Variants in KIAA2012 observed in about 807,000 individuals in gnomAD.
KIAA2012 encodes uncharacterized protein KIAA2012.
A neutral mutation model predicts 150.6 loss-of-function variants in KIAA2012; 125 were observed. That is an observed-to-expected ratio of 0.83 (90% confidence interval 0.72 to 0.96). KIAA2012 has a LOEUF of 0.96. Among genes scored for constraint, KIAA2012 ranks in the 40% least tolerant of loss-of-function variants. The pLI is 0.00. For missense variants in KIAA2012, 1,219 were observed against 1,354.9 expected, an observed-to-expected ratio of 0.90 and a Z score of 1.57; for synonymous variants, 462 against 504.7, an observed-to-expected ratio of 0.92 and a Z score of 1.13.
At chr2:202,087,583 G>A (rs1179498702) in intron 2 of KIAA2012, among the ~76,000 whole-genome samples, 6 of 146,436 alleles carry the variant, frequency 4.1e-5, no homozygotes, top group African/African-American at 1.5e-4. Context: ...ATTATCTCAA[G>A]TAACACAAAG....
At chr2:202,187,123 G>A (rs922250459) in intron 17 of KIAA2012, 25 bp downstream of exon 17, 2 of 1,547,574 alleles carry the variant, frequency 1.3e-6, no homozygotes, top group Non-Finnish European at 1.7e-6. Flanking sequence ...CTAAAAGCTT[G>A]GTCCAAAAGC....
At chr2:202,152,264 C>T (rs1388391937) in intron 13 of KIAA2012, among the ~76,000 whole-genome samples, 2 of 152,158 alleles carry the variant, frequency 1.3e-5, no homozygotes, top group Non-Finnish European at 2.9e-5. Flanking sequence ...TCACTCAAAA[C>T]ATTCCATCAA....
chr2:202,084,135 G>A (rs929415077), intron 2 of KIAA2012, among the ~76,000 whole-genome samples: 1 of 152,126 alleles, frequency 6.6e-6, no homozygotes, highest in African/African-American at 2.4e-5. Flanking sequence ...CCAGTTCTGG[G>A]ATTTGGGGGT....
chr2:202,102,648 C>T (rs956587013), intron 7 of KIAA2012, among the ~76,000 whole-genome samples: 3 of 152,142 alleles, frequency 2.0e-5, no homozygotes, highest in Admixed American at 6.5e-5. Context: ...CATTTTAGTC[C>T]GGCTCAGTCT....
At chr2:202,086,824 G>T (rs1260234160) in intron 2 of KIAA2012, among the ~76,000 whole-genome samples, 2 of 152,158 alleles carry the variant, frequency 1.3e-5, no homozygotes, top group Non-Finnish European at 2.9e-5. Flanking sequence ...TCTGCTGCTT[G>T]TGCATTTTGG....
chr2:202,172,265 G>A (rs966484839), intron 15 of KIAA2012, among the ~76,000 whole-genome samples: 9 of 152,238 alleles, frequency 5.9e-5, no homozygotes, highest in African/African-American at 9.6e-5. Flanking sequence ...AAAGAGGTTA[G>A]GTAACTTGCC....
At chr2:202,186,376 G>A (rs1422881833) in intron 16 of KIAA2012, among the ~76,000 whole-genome samples, 1 of 152,202 alleles carries the variant, frequency 6.6e-6, no homozygotes, top group Non-Finnish European at 1.5e-5. Flanking sequence ...GCCGGACGTG[G>A]TGGTGGGCGC....
chr2:202,152,538 T>C (rs1691449471), intron 13 of KIAA2012, among the ~76,000 whole-genome samples: 2 of 152,246 alleles, frequency 1.3e-5, no homozygotes, highest in African/African-American at 2.4e-5. Flanking sequence ...ATCATTATCA[T>C]CTGATTTCTA....
At chr2:202,131,169 G>A (rs950880647) in intron 12 of KIAA2012, among the ~76,000 whole-genome samples, 2 of 152,012 alleles carry the variant, frequency 1.3e-5, no homozygotes, top group Admixed American at 1.3e-4. Context: ...GATGGAGTCT[G>A]GCTCTTGTTG....
At chr2:202,171,200 CACAT>C (rs1389059554) in intron 15 of KIAA2012, among the ~76,000 whole-genome samples, 2 of 30,898 alleles carry the variant, frequency 6.5e-5, no homozygotes, top group African/African-American at 1.4e-4. Flanking sequence ...TACACAGACA[CACAT>C]GCACACACAC....
intron 21 of KIAA2012, 26 bp from the exon 22 acceptor site, chr2:202,196,774 A>C (rs1692422442): frequency 1.9e-6 from 3 of 1,546,596 alleles, no homozygotes; most frequent in Non-Finnish European, 2.6e-6. Flanking sequence ...ATCCCTGCTG[A>C]GCCCACCCCC....
intron 2 of KIAA2012, among the ~76,000 whole-genome samples, chr2:202,079,946 G>C (rs1034917676): frequency 2.0e-5 from 3 of 152,218 alleles, no homozygotes; most frequent in Non-Finnish European, 4.4e-5. Flanking sequence ...CATTTTACCT[G>C]TATAACCTCA....
At chr2:202,091,501 T>C (rs1689721388) in intron 3 of KIAA2012, among the ~76,000 whole-genome samples, 1 of 152,132 alleles carries the variant, frequency 6.6e-6, no homozygotes, top group South Asian at 2.1e-4. Flanking sequence ...TGGACACCCT[T>C]CTGATGAACA....
chr2:202,194,034 C>T (rs950626035), intron 20 of KIAA2012, among the ~76,000 whole-genome samples, 156 bp from the exon 21 acceptor site: 3 of 152,232 alleles, frequency 2.0e-5, no homozygotes, highest in African/African-American at 4.8e-5. Context: ...CTCTTCAATC[C>T]TGGCTTCCCT....
chr2:202,089,031 C>A (rs560026773), intron 2 of KIAA2012, among the ~76,000 whole-genome samples: 1 of 152,314 alleles, frequency 6.6e-6, no homozygotes, highest in African/African-American at 2.4e-5. Context: ...CTCCTTCCCA[C>A]TCTTTGGCTT....
At chr2:202,156,340 A>G (rs1436338679) in intron 14 of KIAA2012, among the ~76,000 whole-genome samples, 3 of 152,192 alleles carry the variant, frequency 2.0e-5, no homozygotes, top group Admixed American at 2.0e-4. Context: ...TCTTAGCAAC[A>G]GTTTAGTTCT....
At chr2:202,139,141 T>C (rs1691144127) in intron 13 of KIAA2012, among the ~76,000 whole-genome samples, 1 of 149,902 alleles carries the variant, frequency 6.7e-6, no homozygotes, top group African/African-American at 2.5e-5. Flanking sequence ...CTTGGGAGGC[T>C]GAGGCAGGAA....
chr2:202,179,652 A>G, intron 15 of KIAA2012: 1 of 658,796 alleles, frequency 1.5e-6, no homozygotes, highest in Non-Finnish European at 2.9e-6. Context: ...TAATGCAAGA[A>G]TATACTCAGT....
chr2:202,088,541 C>G (rs1521878), intron 2 of KIAA2012, among the ~76,000 whole-genome samples: 11,679 of 152,246 alleles, frequency 0.077, 541 homozygotes, highest in East Asian at 0.19. Context: ...CCTCAGCTCC[C>G]TTTAGGAGTA....
Sources: allele counts gnomAD v4.1 joint callset (sites outside exome capture counted in the v4.1 genomes callset), GRCh38; gene constraint gnomAD v4.1.1; transcripts MANE v1.5; gene names NCBI Gene and HGNC (gene_info 2026-07-23, HGNC 2026-07-21).